IMMP2L: variants seen among roughly 807,000 people sequenced by gnomAD.
IMMP2L encodes inner mitochondrial membrane peptidase subunit 2, also known as mitochondrial inner membrane protease subunit 2.
Under a neutral mutation model 19.3 loss-of-function variants are expected in IMMP2L, and 18 were observed. The observed-to-expected ratio is 0.93, with a 90% CI of 0.64 to 1.38. The LOEUF (loss-of-function observed/expected upper bound fraction) is 1.38. Ranked by LOEUF, IMMP2L falls within the 40% of genes most tolerant of loss-of-function variation. The pLI is 0.00. For missense variants in IMMP2L, 233 were observed against 218.2 expected, an observed-to-expected ratio of 1.07 and a Z score of -0.43; for synonymous variants, 76 against 73.0, an observed-to-expected ratio of 1.04 and a Z score of -0.21.
chr7:110,944,274 A>C (rs181891704), intron 4 of IMMP2L, among the ~76,000 whole-genome samples: 1 of 152,106 alleles, frequency 6.6e-6, no homozygotes, highest in Non-Finnish European at 1.5e-5. Flanking sequence ...TCAGATCAAT[A>C]AAGTATTATG....
intron 4 of IMMP2L, among the ~76,000 whole-genome samples, chr7:110,950,618 T>C: frequency 6.6e-6 from 1 of 151,630 alleles, no homozygotes; most frequent in East Asian, 1.9e-4. Context: ...AAAGAAATAT[T>C]AGCCTTCCCA....
At chr7:111,138,873 T>C (rs991203563) in intron 3 of IMMP2L, among the ~76,000 whole-genome samples, 3 of 152,148 alleles carry the variant, frequency 2.0e-5, no homozygotes, top group African/African-American at 7.2e-5. Flanking sequence ...AACTTACTTG[T>C]AAAACCCTTT....
chr7:111,042,279 C>T (rs368346247), intron 3 of IMMP2L, among the ~76,000 whole-genome samples: 6 of 152,014 alleles, frequency 3.9e-5, no homozygotes, highest in South Asian at 2.1e-4. Flanking sequence ...TCCTGGGTTC[C>T]AGTGATTCTC....
At chr7:110,898,525 T>C (rs1811547669) in intron 4 of IMMP2L, among the ~76,000 whole-genome samples, 3 of 152,142 alleles carry the variant, frequency 2.0e-5, no homozygotes, top group African/African-American at 7.2e-5. Flanking sequence ...TAAAATGTCT[T>C]CATACTTAGA....
At chr7:111,492,318 T>A (rs1172114711) in intron 2 of IMMP2L, 1 of 843,208 alleles carries the variant, frequency 1.2e-6, no homozygotes, top group Non-Finnish European at 1.4e-6. Flanking sequence ...CCAAATATAC[T>A]TCCCCTCCTT....
At chr7:110,852,299 T>A (rs75687332) in intron 5 of IMMP2L, among the ~76,000 whole-genome samples, 1,828 of 152,044 alleles carry the variant, frequency 0.012, 48 homozygotes, top group African/African-American at 0.042. Context: ...ATTGCTTGAT[T>A]CACACACATA....
At chr7:111,450,941 C>CA in intron 3 of IMMP2L, among the ~76,000 whole-genome samples, 2 of 151,380 alleles carry the variant, frequency 1.3e-5, no homozygotes, top group Non-Finnish European at 2.9e-5. Context: ...TTTATGCAGC[C>CA]AAAAAACACA....
At chr7:111,366,855 A>G (rs1829813191) in intron 3 of IMMP2L, among the ~76,000 whole-genome samples, 1 of 151,480 alleles carries the variant, frequency 6.6e-6, no homozygotes, top group African/African-American at 2.4e-5. Context: ...ATATATGTGG[A>G]GAGGAGAGAC....
chr7:111,109,756 T>C (rs539139945), intron 3 of IMMP2L, among the ~76,000 whole-genome samples: 1 of 152,326 alleles, frequency 6.6e-6, no homozygotes, highest in Non-Finnish European at 1.5e-5. Context: ...TGTAGCACAA[T>C]ATGACTGTGA....
intron 5 of IMMP2L, among the ~76,000 whole-genome samples, chr7:110,747,851 C>T (rs1317312201): frequency 6.7e-6 from 1 of 150,136 alleles, no homozygotes; most frequent in Admixed American, 6.6e-5. Context: ...GACCAGGATG[C>T]CCTCTCTCAC....
intron 4 of IMMP2L, among the ~76,000 whole-genome samples, chr7:110,954,064 CAT>C (rs1285322721): frequency 6.6e-6 from 1 of 152,104 alleles, no homozygotes; most frequent in Non-Finnish European, 1.5e-5. Flanking sequence ...ATATACCAGA[CAT>C]ATGTCTGGAG....
intron 5 of IMMP2L, among the ~76,000 whole-genome samples, chr7:110,737,439 G>C (rs1319138371): frequency 6.6e-6 from 1 of 152,174 alleles, no homozygotes; most frequent in Non-Finnish European, 1.5e-5. Context: ...CTCAGCAGAG[G>C]AAACCTTAAT....
chr7:111,549,278 A>G (rs1452119081), intron 1 of IMMP2L, among the ~76,000 whole-genome samples: 1 of 152,188 alleles, frequency 6.6e-6, no homozygotes, highest in African/African-American at 2.4e-5. Flanking sequence ...TTAAATTCAC[A>G]TAGGATTCTT....
chr7:110,794,355 T>C (rs973874129), intron 5 of IMMP2L, among the ~76,000 whole-genome samples: 5 of 152,044 alleles, frequency 3.3e-5, no homozygotes, highest in Non-Finnish European at 7.4e-5. Context: ...TAGAAAGACA[T>C]AGAGAAACCT....
intron 3 of IMMP2L, among the ~76,000 whole-genome samples, chr7:111,258,531 G>T (rs779790416): frequency 6.6e-6 from 1 of 151,838 alleles, no homozygotes; most frequent in Non-Finnish European, 1.5e-5. Context: ...TTTTGAAAAA[G>T]AATCTTGCTC....
intron 3 of IMMP2L, among the ~76,000 whole-genome samples, chr7:111,164,820 T>TA (rs1017326424): frequency 1.3e-5 from 2 of 152,028 alleles, no homozygotes; most frequent in African/African-American, 2.4e-5. Flanking sequence ...GTGAGCTGAT[T>TA]AAAAAAAATT....
At chr7:111,525,794 C>CT (rs1563311764) in intron 1 of IMMP2L, among the ~76,000 whole-genome samples, 2 of 151,460 alleles carry the variant, frequency 1.3e-5, no homozygotes, top group African/African-American at 2.4e-5. Flanking sequence ...ATTCCTCAAA[C>CT]TTTTTTTTTG....
intron 1 of IMMP2L, among the ~76,000 whole-genome samples, chr7:111,547,505 A>ACCCC (rs36099268): frequency 7.4e-6 from 1 of 135,822 alleles, no homozygotes; most frequent in African/African-American, 2.8e-5. Context: ...AAACTGTCAT[A>ACCCC]CCCCCCCCCC....
At chr7:111,130,268 C>A (rs1254941803) in intron 3 of IMMP2L, among the ~76,000 whole-genome samples, 1 of 152,074 alleles carries the variant, frequency 6.6e-6, no homozygotes, top group Non-Finnish European at 1.5e-5. Context: ...AAATTCAAAG[C>A]TAGTATCATA....
Sources: allele counts gnomAD v4.1 joint callset (sites outside exome capture counted in the v4.1 genomes callset), GRCh38; gene constraint gnomAD v4.1.1; transcripts MANE v1.5; gene names NCBI Gene and HGNC (gene_info 2026-07-23, HGNC 2026-07-21).